Variants in TTC7B observed in about 807,000 individuals in gnomAD.
The protein encoded by TTC7B is tetratricopeptide repeat domain 7B, also known as tetratricopeptide repeat protein 7B.
A neutral mutation model predicts 106.8 loss-of-function variants in TTC7B; 28 were observed. That is an observed-to-expected ratio of 0.26 (90% CI 0.19 to 0.36). The LOEUF is 0.36. Among genes scored for constraint, TTC7B ranks in the 10% least tolerant of loss-of-function variants. TTC7B has a pLI of 1.00. For synonymous variants in TTC7B, 405 were observed against 430.6 expected (o/e 0.94, Z 0.74); for missense variants, 862 against 1,076.4 (o/e 0.80, Z 2.79).
intron 17 of TTC7B, among the ~76,000 whole-genome samples, chr14:90,601,543 G>T (rs1892423472): frequency 6.6e-6 from 1 of 152,226 alleles, no homozygotes. Flanking sequence ...TAGGAAAAAT[G>T]GAGCCAAGAA....
chr14:90,582,360 G>A (rs1891534064), intron 18 of TTC7B, among the ~76,000 whole-genome samples: 1 of 152,236 alleles, frequency 6.6e-6, no homozygotes, highest in African/African-American at 2.4e-5. Flanking sequence ...CTCTGGGCCT[G>A]TCCACCTGTC....
At chr14:90,813,079 C>T (rs937599330) in intron 1 of TTC7B, among the ~76,000 whole-genome samples, 8 of 152,192 alleles carry the variant, frequency 5.3e-5, no homozygotes, top group African/African-American at 1.7e-4. Flanking sequence ...TATCAGGCCC[C>T]GCCACTTTCT....
intron 3 of TTC7B, among the ~76,000 whole-genome samples, chr14:90,778,817 G>T (rs1474141265): frequency 6.6e-6 from 1 of 152,218 alleles, no homozygotes; most frequent in Non-Finnish European, 1.5e-5. Flanking sequence ...AGCCCATGGG[G>T]ACGTTTAGAA....
chr14:90,605,362 G>T (rs572373761), intron 17 of TTC7B, among the ~76,000 whole-genome samples: 4 of 152,158 alleles, frequency 2.6e-5, no homozygotes, highest in Non-Finnish European at 5.9e-5. Flanking sequence ...ACTTCTATCC[G>T]TTCTGCCCAG....
intron 1 of TTC7B, among the ~76,000 whole-genome samples, chr14:90,787,319 C>G (rs150623140): frequency 1.3e-5 from 2 of 152,326 alleles, no homozygotes; most frequent in Non-Finnish European, 2.9e-5. Context: ...ACACCACCCC[C>G]CAGACTCTTC....
intron 18 of TTC7B, among the ~76,000 whole-genome samples, chr14:90,585,123 C>T (rs1891660531): frequency 1.3e-5 from 2 of 152,208 alleles, no homozygotes; most frequent in African/African-American, 2.4e-5. Flanking sequence ...TCTGAAGTCC[C>T]CAAATTGAGC....
intron 3 of TTC7B, among the ~76,000 whole-genome samples, chr14:90,780,080 T>C (rs1891157591): frequency 6.6e-6 from 1 of 152,188 alleles, no homozygotes; most frequent in South Asian, 2.1e-4. Flanking sequence ...TGCATACTAC[T>C]TATCAAGAAA....
At position 90,762,173 on chromosome 14, in the gene TTC7B, C is replaced by T. The variant is rs565723209; in HGVS notation, c.446-17251G>A. ...AACCCAGAGGAAGCTCCCTAATGGG[C>T]ACTAAAACTACAGAGAAAGGTTTCA... is the stretch of plus-strand genomic sequence containing the variant. On this transcript the variant is annotated intron_variant, in intron 3 of 19. Transcript: ENST00000328459. Among the ~76,000 whole-genome samples, 10 of 152,292 alleles carry T rather than the reference C, an allele frequency of 6.6e-5. No individual in the cohort carries two copies. The East Asian group carries it at 1.9e-3, about 29-fold the overall frequency.
At chr14:90,641,354 A>G (rs1200976380) in intron 15 of TTC7B, among the ~76,000 whole-genome samples, 1 of 152,186 alleles carries the variant, frequency 6.6e-6, no homozygotes, top group African/African-American at 2.4e-5. Context: ...ACCTCCATCA[A>G]GGCCTGACTA....
chr14:90,597,482 A>C (rs2139826356), intron 17 of TTC7B, among the ~76,000 whole-genome samples: 1 of 152,208 alleles, frequency 6.6e-6, no homozygotes, highest in South Asian at 2.1e-4. Context: ...ACATAGTGAA[A>C]CCCTGTCTCT....
rs1443062046 is a variant in TTC7B, at chr14:90,692,288, T to G, written c.778-2576A>C. 2.0e-5 allele frequency among the ~76,000 whole-genome samples: 3 copies of G among 152,182 alleles called. No homozygotes were observed. In the East Asian group the frequency reaches 5.8e-4, roughly 29 times the overall value. ...AGTGGTGCAATCACACATAGCTCAC[T>G]GCAGAACACCTGTTTTTAATTATTT... is the stretch of plus-strand genomic sequence containing the variant. On this transcript the variant is annotated intron_variant, in intron 6 of 19. Coordinates refer to ENST00000328459, the MANE Select transcript of TTC7B (RefSeq NM_001010854.2).
In TTC7B at chr14:90,544,105, G is replaced by A. The variant is rs376810517; in HGVS notation, c.2311-2516C>T. ...GGCTCAGAGTGGAAGGTGGAGGAAGGAGACCCCCAGCTCTGGGAGGAAGAG... is the reference window on the plus strand; with the variant it reads ...GGCTCAGAGTGGAAGGTGGAGGAAGAAGACCCCCAGCTCTGGGAGGAAGAG... On this transcript the variant is annotated intron_variant, in intron 19 of 19. Coordinates refer to ENST00000328459, the MANE Select transcript of TTC7B (RefSeq NM_001010854.2). 2.4e-4 allele frequency among the ~76,000 whole-genome samples: 37 copies of A among 152,310 alleles called. No individual in the cohort carries two copies. In the South Asian group the frequency reaches 6.8e-3, roughly 28 times the overall value.
intron 7 of TTC7B, among the ~76,000 whole-genome samples, chr14:90,689,006 C>G (rs1419445923): frequency 6.6e-6 from 1 of 151,980 alleles, no homozygotes; most frequent in Non-Finnish European, 1.5e-5. Flanking sequence ...CCATTATCCT[C>G]CAAGGTGATC....
At position 90,663,877 on chromosome 14, in the gene TTC7B, C is replaced by T. The variant is rs577629749; in HGVS notation, c.1153-5490G>A. Among the ~76,000 whole-genome samples, 14 of 152,310 alleles carry T rather than the reference C, an allele frequency of 9.2e-5. No homozygotes were observed. The South Asian group carries it at 1.7e-3, about 18-fold the overall frequency. On this transcript the variant is annotated intron_variant, in intron 9 of 19. Coordinates refer to ENST00000328459, the MANE Select transcript of TTC7B (RefSeq NM_001010854.2). This position sits in a 1 kb window ranked among gnomAD's most constrained non-coding sequence, Gnocchi z 4.5. Reference sequence around the variant, plus strand: ...CTTATGAGATACAGTGACGGCACGCCGGCTTTGGAAAAGCACCCAGACAGC... The same window carrying T: ...CTTATGAGATACAGTGACGGCACGCTGGCTTTGGAAAAGCACCCAGACAGC...
Position 90,610,749 on chromosome 14 carries a change from G to A in TTC7B, c.1959C>T (p.Pro653=), listed in dbSNP as rs1306189098. ...CTGGCTTTTTATTCTCACCTGTCTC[G>A]GGATCGCTGAAGTCTGGCAAAGTAA... ...NTITLPDFSD[P]ETGSVHATSV... Residue 653 remains proline, a synonymous_variant, in exon 17 of 20, where the codon CCC becomes CCT. Transcript: ENST00000328459. 8.1e-6 allele frequency: 13 copies of A among 1,611,934 alleles called. No homozygotes were observed. Among genetic ancestry groups the A allele is most frequent in the Middle Eastern group, 1.7e-4 (1 of 6,060 alleles).
chr14:90,693,863 C>A (rs751563690), intron 6 of TTC7B, among the ~76,000 whole-genome samples: 20 of 152,118 alleles, frequency 1.3e-4, no homozygotes, highest in Non-Finnish European at 2.5e-4. Context: ...AAGTATACAG[C>A]CAAGAGAAAG....
At chr14:90,679,938 C>A (rs1216926080) in intron 8 of TTC7B, among the ~76,000 whole-genome samples, 1 of 152,226 alleles carries the variant, frequency 6.6e-6, no homozygotes, top group Non-Finnish European at 1.5e-5. Context: ...CGGCCTGGGA[C>A]TTTACAGTGT....
rs779836022 is a variant in TTC7B, at chr14:90,780,892, T to C, written c.291A>G (p.Gln97=). 6.2e-7 allele frequency: 1 copy of C among 1,614,156 alleles called. No homozygotes were observed. Among genetic ancestry groups the C allele is most frequent in the South Asian group, 1.1e-5 (1 of 91,060 alleles). ...DRGNLKSEFL[Q]ESNLIMAKLN... is the part of the protein sequence containing the mutation. ...ACTTGGCCATGATCAGATTGGATTC[T>C]TGTAGGAATTCTGACTAGAAGCAAA... The change falls in exon 3 of 20, where the codon CAA becomes CAG. Residue 97 remains glutamine (Q), a synonymous_variant. Transcript: ENST00000328459.
intron 3 of TTC7B, among the ~76,000 whole-genome samples, chr14:90,764,058 C>T (rs964168282): frequency 3.3e-5 from 5 of 152,096 alleles, no homozygotes; most frequent in African/African-American, 1.2e-4. Context: ...AAACTCAAAA[C>T]TTACTACAAA....
Sources: allele counts gnomAD v4.1 joint callset (sites outside exome capture counted in the v4.1 genomes callset), GRCh38; gene constraint gnomAD v4.1.1; non-coding constraint Gnocchi (gnomAD v3.1); transcripts MANE v1.5; gene names NCBI Gene and HGNC (gene_info 2026-07-23, HGNC 2026-07-21).